The following TNFAIP3 variants were observed in gnomAD, a reference collection of about 807,000 sequenced individuals.
TNFAIP3 encodes the protein TNF alpha induced protein 3.
Under a neutral mutation model 72.4 loss-of-function variants are expected in TNFAIP3, and 9 were observed. That is an observed-to-expected ratio of 0.12 (90% CI 0.07 to 0.22). The LOEUF (loss-of-function observed/expected upper bound fraction) is 0.22. Among genes scored for constraint, TNFAIP3 ranks in the 10% least tolerant of loss-of-function variants. TNFAIP3 has a pLI of 1.00. For missense variants in TNFAIP3, 833 were observed against 1,018.7 expected (o/e 0.82, Z 2.48); for synonymous variants, 339 against 372.6 (o/e 0.91, Z 1.04).
chr6:137,880,094 GTC>G lies in TNFAIP3; in HGVS notation c.1931_1932del (p.Val644GlufsTer27). The G allele has an allele frequency of 6.2e-7, 1 of 1,614,162 alleles. No homozygotes were observed. Among genetic ancestry groups the G allele is most frequent in the African/African-American group, 1.3e-5 (1 of 75,030 alleles). ...NKHFAAASGK[V>X]SPTASRFQNT... Reference sequence around the variant, plus strand: ...AGATTTTGCTGCTGCCTCAGGGAAAGTCAGTCCCACAGCGTCCAGGTTCCAGA... The same window carrying G: ...AGATTTTGCTGCTGCCTCAGGGAAAGAGTCCCACAGCGTCCAGGTTCCAGA... On this transcript the variant is annotated frameshift_variant, in exon 8 of 9. Coordinates refer to ENST00000612899, the MANE Select transcript of TNFAIP3 (RefSeq NM_001270508.2). LOFTEE classifies it high-confidence loss of function.
At chr6:137,875,069 G>A (rs760364371) in intron 3 of TNFAIP3, 34 bp downstream of exon 3, 2 of 1,611,920 alleles carry the variant, frequency 1.2e-6, no homozygotes, top group Admixed American at 1.7e-5. Context: ...TACTAACAGA[G>A]CTCCATGGTG....
In TNFAIP3 at chr6:137,878,627, C is replaced by T; in HGVS notation, c.1182C>T (p.Phe394=). The change falls in exon 7 of 9, where the codon TTC becomes TTT. Residue 394 remains phenylalanine, a synonymous_variant. Coordinates refer to ENST00000612899, the MANE Select transcript of TNFAIP3 (RefSeq NM_001270508.2). ...AATGTGAAACGCCCAACTGCCCCTTCTTCATGTCTGTGAACACCCAGCCTT... is the reference window on the plus strand; with the variant it reads ...AATGTGAAACGCCCAACTGCCCCTTTTTCATGTCTGTGAACACCCAGCCTT... The part of the protein sequence containing the change: ...DVKCETPNCP[F]FMSVNTQPLC... 6.2e-7 allele frequency: 1 copy of T among 1,614,260 alleles called. No individual in the cohort carries two copies. Among genetic ancestry groups the T allele is most frequent in the Non-Finnish European group, 8.5e-7 (1 of 1,180,048 alleles).
At chr6:137,877,730 G>T (rs1776296749) in intron 6 of TNFAIP3, among the ~76,000 whole-genome samples, 1 of 152,166 alleles carries the variant, frequency 6.6e-6, no homozygotes, top group African/African-American at 2.4e-5. Context: ...CATGGAAATG[G>T]GAGGAAAGCC....
At position 137,877,247 on chromosome 6, in the gene TNFAIP3, A is replaced by G. The variant is rs930573886; in HGVS notation, c.977A>G (p.Asn326Ser). The change falls in exon 6 of 9, where the codon AAT becomes AGT. Residue 326 changes from asparagine to serine, a missense_variant. Around this residue, in one of 2 missense-constraint regions of TNFAIP3, gnomAD observed 587 missense variants for 657.8 expected, o/e 0.89. Coordinates refer to ENST00000612899, the MANE Select transcript of TNFAIP3 (RefSeq NM_001270508.2). Reference protein sequence around the residue: ...GWDHGTTHLINAAKLDEANLP... With the variant: ...GWDHGTTHLISAAKLDEANLP... ...GACCATGGCACAACTCATCTCATCAATGCCGCAAAGTAAGCAGTTTATGTT... is the reference window on the plus strand; with the variant it reads ...GACCATGGCACAACTCATCTCATCAGTGCCGCAAAGTAAGCAGTTTATGTT... 2.5e-6 allele frequency: 4 copies of G among 1,607,118 alleles called. No homozygotes were observed. The highest frequency in any genetic ancestry group is 1.7e-5 in the Admixed American group (1 of 58,558).
chr6:137,880,384 C>G, intron 8 of TNFAIP3, 132 bp downstream of exon 8: 1 of 999,010 alleles, frequency 1.0e-6, no homozygotes, highest in Non-Finnish European at 1.5e-6. Context: ...AGGATTAATT[C>G]AGAACCTGAA....
At position 137,877,176 on chromosome 6, in the gene TNFAIP3, C is replaced by T. The variant is rs1776277885; in HGVS notation, c.906C>T (p.Leu302=). Residue 302 remains leucine (L), a synonymous_variant, in exon 6 of 9, where the codon CTC becomes CTT. Coordinates refer to ENST00000612899, the MANE Select transcript of TNFAIP3 (RefSeq NM_001270508.2). The part of the protein sequence containing the change: ...TDPENEMKEK[L]LKEYLMVIEI... Reference sequence around the variant, plus strand: ...CTGAAAATGAGATGAAGGAGAAGCTCTTAAAAGAGTACTTAATGGTGATAG... The same window carrying T: ...CTGAAAATGAGATGAAGGAGAAGCTTTTAAAAGAGTACTTAATGGTGATAG... 2 of 1,613,972 alleles carry T rather than the reference C, an allele frequency of 1.2e-6. No homozygotes were observed. The highest frequency in any genetic ancestry group is 1.7e-6 in the Non-Finnish European group (2 of 1,179,960).
At chr6:137,874,817 C>A (rs1582888552) in intron 2 of TNFAIP3, 28 bp from the exon 3 acceptor site, 1 of 1,551,838 alleles carries the variant, frequency 6.4e-7, no homozygotes, top group East Asian at 2.4e-5. Context: ...CTTGACTTTC[C>A]TTCTCTTCTC....
chr6:137,871,075 T>G lies in TNFAIP3; in HGVS notation c.-15-138T>G. 1 of 697,396 alleles carries G rather than the reference T, an allele frequency of 1.4e-6. No homozygotes were observed. Among genetic ancestry groups the G allele is most frequent in the Non-Finnish European group, 2.3e-6 (1 of 430,442 alleles). 43.2% of individuals were successfully genotyped at this position (697,396 alleles called of 1,614,324 possible). A position where few individuals can be genotyped will look rare whatever the true frequency, so the allele number is the denominator to read the frequency against. ...CTGGGGCCAGCTAGTATCCCGGGAG[T>G]AGAGGTGCTAAGATCTTTTGCCTAC... is the stretch of plus-strand genomic sequence containing the variant. On this transcript the variant is annotated intron_variant, in intron 1 of 8. Transcript: ENST00000612899. This position sits in a 1 kb window ranked among gnomAD's most constrained non-coding sequence, Gnocchi z 4.2.
rs201429571 is a variant in TNFAIP3, at chr6:137,881,036, G to A, written c.2090G>A (p.Arg697Lys). 392 of 1,590,296 alleles carry A rather than the reference G, an allele frequency of 2.5e-4. 1 individual carries two copies. The Middle Eastern group carries it at 5.2e-3, about 21-fold the overall frequency. Residue 697 changes from arginine (R) to lysine (K), a missense_variant and splice_region_variant, in exon 9 of 9, where the codon AGA (arginine) becomes AAA (lysine). This residue lies in a region of TNFAIP3 where 587 missense variants were observed against 657.8 expected (regional missense o/e 0.89). Transcript: ENST00000612899. This position sits in a 1 kb window ranked among gnomAD's most constrained non-coding sequence, Gnocchi z 5.0. ...GATCTGCCTGTTCTTTCCACTCAGAGATCGAGCCAGCGCAGAGATGTGCCT... is the reference window on the plus strand; with the variant it reads ...GATCTGCCTGTTCTTTCCACTCAGAAATCGAGCCAGCGCAGAGATGTGCCT... ...HEAKRTEEQL[R>K]SSQRRDVPRT...
Position 137,883,018 on chromosome 6 carries a change from A to G in TNFAIP3, c.*1699A>G, listed in dbSNP as rs1027913212. 28 of 221,670 alleles carry G rather than the reference A, an allele frequency of 1.3e-4. No homozygotes were observed. Among genetic ancestry groups the G allele is most frequent in the African/African-American group, 5.8e-4 (26 of 44,748 alleles). 13.7% of individuals were successfully genotyped at this position (221,670 alleles called of 1,614,324 possible). ...GCACACTTTCCCCTTAGAGCCCCCTAAGTTTTTCCCAGACGAATCTTTATA... is the reference window on the plus strand; with the variant it reads ...GCACACTTTCCCCTTAGAGCCCCCTGAGTTTTTCCCAGACGAATCTTTATA... On this transcript the variant is annotated 3_prime_UTR_variant, in exon 9 of 9. Transcript: ENST00000612899.
Position 137,878,845 on chromosome 6 carries a change from C to T in TNFAIP3, c.1400C>T (p.Pro467Leu). 6.2e-7 allele frequency: 1 copy of T among 1,614,192 alleles called. No individual in the cohort carries two copies. Among genetic ancestry groups the T allele is most frequent in the South Asian group, 1.1e-5 (1 of 91,084 alleles). Reference protein sequence around the residue: ...PHSAPPTAPSPFLFSETTAMK... With the variant: ...PHSAPPTAPSLFLFSETTAMK... Reference sequence around the variant, plus strand: ...TCGGCCCCACCGACAGCACCCAGCCCTTTTCTGTTCAGTGAGACCACTGCC... The same window carrying T: ...TCGGCCCCACCGACAGCACCCAGCCTTTTTCTGTTCAGTGAGACCACTGCC... The change falls in exon 7 of 9, where the codon CCT becomes CTT. Residue 467 changes from proline to leucine, a missense_variant. Coordinates refer to ENST00000612899, the MANE Select transcript of TNFAIP3 (RefSeq NM_001270508.2).
At chr6:137,867,073 G>GCA (rs1775860061), upstream of TNFAIP3, 1 of 149,768 alleles carries the variant, frequency 6.7e-6, no homozygotes, top group African/African-American at 2.4e-5. The surrounding 1 kb of genome is among the most constrained non-coding windows in gnomAD (Gnocchi z 6.0). Context: ...AGGGAAAGGG[G>GCA]GCGGGGCGGG....
chr6:137,876,643 G>A (rs5029950), intron 5 of TNFAIP3, among the ~76,000 whole-genome samples: 7 of 152,226 alleles, frequency 4.6e-5, no homozygotes, highest in African/African-American at 1.7e-4. Flanking sequence ...AATAAGCACT[G>A]TGCTTTGGAA....
rs201764774 is a variant in TNFAIP3, at chr6:137,871,551, G to T, written c.295+29G>T. On this transcript the variant is annotated intron_variant, in intron 2 of 8. Transcript: ENST00000612899. The surrounding 1 kb of genome is among the most constrained non-coding windows in gnomAD (Gnocchi z 4.2). ...AGACTTGTTCTGTTGTGTTTCTTTT[G>T]CCTGGGTGATAGCTCCCGCCTGCTG... 1.6e-5 allele frequency: 26 copies of T among 1,604,344 alleles called. 1 individual carries two copies. The African/African-American group carries it at 2.4e-4, about 15-fold the overall frequency.
At chr6:137,866,721 C>T (rs1287695446), upstream of TNFAIP3, 1 of 152,464 alleles carries the variant, frequency 6.6e-6, no homozygotes, top group African/African-American at 2.4e-5. Flanking sequence ...CGCCCGGGTC[C>T]TGTCTGGGGC....
chr6:137,871,649 T>G lies in TNFAIP3; in HGVS notation c.295+127T>G. ...ATCTTGAGATTTAGTATTGAGACCT[T>G]TATATAGAATCTCTATTCGGGGTAT... On this transcript the variant is annotated intron_variant, in intron 2 of 8. Coordinates refer to ENST00000612899, the MANE Select transcript of TNFAIP3 (RefSeq NM_001270508.2). The surrounding 1 kb of genome is among the most constrained non-coding windows in gnomAD (Gnocchi z 4.2). 6.0e-6 allele frequency: 6 copies of G among 1,005,680 alleles called. No individual in the cohort carries two copies. In the South Asian group the frequency reaches 9.7e-5, roughly 16 times the overall value. 62.3% of individuals were successfully genotyped at this position (1,005,680 alleles called of 1,614,324 possible).
chr6:137,868,773 C>CTT (rs1420890935), intron 1 of TNFAIP3, among the ~76,000 whole-genome samples: 1 of 151,646 alleles, frequency 6.6e-6, no homozygotes, highest in Non-Finnish European at 1.5e-5. Context: ...GTTCTTTAAT[C>CTT]TTAAGCGTAG....
Position 137,871,856 on chromosome 6 carries a change from T to C in TNFAIP3, c.295+334T>C, listed in dbSNP as rs1776075297. On this transcript the variant is annotated intron_variant, in intron 2 of 8. Coordinates refer to ENST00000612899, the MANE Select transcript of TNFAIP3 (RefSeq NM_001270508.2). This position sits in a 1 kb window ranked among gnomAD's most constrained non-coding sequence, Gnocchi z 4.2. ...TAAAATACCCTTCTCTGGCCCGTAATGGAAATGTTAAAAGCCTTTAAGTTC... is the reference window on the plus strand; with the variant it reads ...TAAAATACCCTTCTCTGGCCCGTAACGGAAATGTTAAAAGCCTTTAAGTTC... 6.6e-6 allele frequency among the ~76,000 whole-genome samples: 1 copy of C among 152,200 alleles called. No homozygotes were observed. Among genetic ancestry groups the C allele is most frequent in the Non-Finnish European group, 1.5e-5 (1 of 68,010 alleles).
chr6:137,881,563 A>C lies in TNFAIP3; in HGVS notation c.*244A>C. ...AAGGGATGATGTCAGATTCAGCCCAAGGTTCCTCCTCTCCTACCAAGCAGG... is the reference window on the plus strand; with the variant it reads ...AAGGGATGATGTCAGATTCAGCCCACGGTTCCTCCTCTCCTACCAAGCAGG... On this transcript the variant is annotated 3_prime_UTR_variant, in exon 9 of 9. Transcript: ENST00000612899. The surrounding 1 kb of genome is among the most constrained non-coding windows in gnomAD (Gnocchi z 5.0). 2.4e-6 allele frequency: 1 copy of C among 425,318 alleles called. No homozygotes were observed. Among genetic ancestry groups the C allele is most frequent in the African/African-American group, 2.0e-5 (1 of 49,348 alleles). 26.3% of individuals were successfully genotyped at this position (425,318 alleles called of 1,614,324 possible).
Sources: allele counts gnomAD v4.1 joint callset (sites outside exome capture counted in the v4.1 genomes callset), GRCh38; gene constraint gnomAD v4.1.1; regional missense constraint gnomAD v4.1.1; non-coding constraint Gnocchi (gnomAD v3.1); transcripts MANE v1.5; gene names NCBI Gene and HGNC (gene_info 2026-07-23, HGNC 2026-07-21).